The following KMT2D variants were observed in gnomAD, a reference collection of about 807,000 sequenced individuals.
KMT2D encodes the protein lysine methyltransferase 2D.
Under a neutral mutation model 512.7 loss-of-function variants are expected in KMT2D, and 55 were observed. That is an observed-to-expected ratio of 0.11 (90% CI 0.09 to 0.13). KMT2D has a LOEUF of 0.13. KMT2D is among the 10% of genes least tolerant of loss of function. KMT2D has a pLI of 1.00. For synonymous variants in KMT2D, 2,995 were observed against 2,904.0 expected (o/e 1.03, Z -1.01); for missense variants, 6,061 against 7,127.9 (o/e 0.85, Z 5.39).
At position 49,042,045 on chromosome 12, in the gene KMT2D, G is replaced by A. The variant is rs2120552443; in HGVS notation, c.6109+44C>T. On this transcript the variant is annotated intron_variant, in intron 29 of 54. Transcript: ENST00000301067. The surrounding 1 kb of genome is among the most constrained non-coding windows in gnomAD (Gnocchi z 4.4). ...GACTTGGCAGGCGACTCCTCCACCTGCCATGTTGCCAGGCTGTCTCCCTTG... is the reference window on the plus strand; with the variant it reads ...GACTTGGCAGGCGACTCCTCCACCTACCATGTTGCCAGGCTGTCTCCCTTG... The A allele has an allele frequency of 6.2e-7, 1 of 1,612,152 alleles. No homozygotes were observed. The highest frequency in any genetic ancestry group is 8.5e-7 in the Non-Finnish European group (1 of 1,178,488).
chr12:49,051,541 C>G lies in KMT2D; in HGVS notation c.2142G>C (p.Ser714=), dbSNP rs1260712816. The G allele has an allele frequency of 6.2e-7, 1 of 1,612,250 alleles. No individual in the cohort carries two copies. Among genetic ancestry groups the G allele is most frequent in the African/African-American group, 1.3e-5 (1 of 74,854 alleles). ...DSPASPPPED[S]LMSLPLEESP... ...ACTCCTCCAGCGGCAGGGACATGAGCGAGTCCTCCGGTGGTGGGGAAGCAG... is the reference window on the plus strand; with the variant it reads ...ACTCCTCCAGCGGCAGGGACATGAGGGAGTCCTCCGGTGGTGGGGAAGCAG... Residue 714 remains serine, a synonymous_variant, in exon 11 of 55, where the codon TCG becomes TCC. Coordinates refer to ENST00000301067, the MANE Select transcript of KMT2D (RefSeq NM_003482.4).
Position 49,060,059 on chromosome 12 carries a change from CG to C in KMT2D, c.-485del. Among the ~76,000 whole-genome samples the C allele has an allele frequency of 6.6e-6, 1 of 151,620 alleles. No homozygotes were observed. The highest frequency in any genetic ancestry group is 1.5e-5 in the Non-Finnish European group (1 of 67,802). ...CAGCAGCCCGGAAGGAATGCCGCGC[CG>C]CCCCGCGCCTGGCCCGGATGGAACG... On this transcript the variant is annotated 5_prime_UTR_variant, in exon 1 of 55. Transcript: ENST00000301067.
At position 49,033,565 on chromosome 12, in the gene KMT2D, T is replaced by C. The variant is rs770228268; in HGVS notation, c.11140A>G (p.Arg3714Gly). 1 of 1,613,478 alleles carries C rather than the reference T, an allele frequency of 6.2e-7. No individual in the cohort carries two copies. The change falls in exon 40 of 55, where the codon AGG (arginine) becomes GGG (glycine). Residue 3714 changes from arginine to glycine, a missense_variant. Arg to Gly is a moderately radical substitution (Grantham distance 125). Transcript: ENST00000301067. ...TGCAGCTGCCTTTCCTGTAAAAGCC[T>C]TGAATCAGGTCCGAGGCTTCGAAGA... ...LALRSLGPDS[R>G]LLQERQLQLQ...
chr12:49,043,050 C>A (rs2120562829), intron 26 of KMT2D, 26 bp downstream of exon 26: 1 of 1,596,796 alleles, frequency 6.3e-7, no homozygotes, highest in Non-Finnish European at 8.6e-7. Context: ...CCCTTATACA[C>A]AAAGAGGTAC....
rs1388854098 is a variant in KMT2D at position 49,060,724 on chromosome 12, C to G, written c.-1149G>C. Among the ~76,000 whole-genome samples, 1 of 152,208 alleles carries G rather than the reference C, an allele frequency of 6.6e-6. No individual in the cohort carries two copies. The highest frequency in any genetic ancestry group is 2.4e-5 in the African/African-American group (1 of 41,460). ...GCGCTAGATCCGGGGGGGCCTTTTG[C>G]CCGGGGCACCCCACTCGAGAGGGGG... On this transcript the variant is annotated 5_prime_UTR_variant, in exon 1 of 55. Transcript: ENST00000301067.
rs1389060383 is a variant in KMT2D at position 49,046,796 on chromosome 12, G to C, written c.4237-6C>G. 6.2e-7 allele frequency: 1 copy of C among 1,609,364 alleles called. No individual in the cohort carries two copies. Among genetic ancestry groups the C allele is most frequent in the Non-Finnish European group, 8.5e-7 (1 of 1,176,546 alleles). ...AGCAGCATCACCTTGGTGATCTGGG[G>C]CAGAAGATGGGAACTTCTCAGGGTG... On this transcript the variant is annotated splice_region_variant and splice_polypyrimidine_tract_variant and intron_variant, in intron 15 of 54. Transcript: ENST00000301067. The surrounding 1 kb of genome is among the most constrained non-coding windows in gnomAD (Gnocchi z 4.2).
rs778628310 is a variant in KMT2D, at chr12:49,031,264, C to T, written c.13441G>A (p.Glu4481Lys). The stretch of plus-strand genomic sequence containing the variant: ...CCGTTGATCTCAGCTCGCAGCCCCT[C>T]GGACCCCCGCCCAGTGCTGAGTTGC... ...NVQLSTGRGS[E>K]GLRAEINGHI... The change falls in exon 40 of 55, where the codon GAG becomes AAG. Residue 4481 changes from glutamate to lysine, a missense_variant. Around this residue, in one of 16 missense-constraint regions of KMT2D, gnomAD observed 1,600 missense variants for 1,754.9 expected, o/e 0.91. Transcript: ENST00000301067. 20 of 1,613,344 alleles carry T rather than the reference C, an allele frequency of 1.2e-5. No homozygotes were observed. Among genetic ancestry groups the T allele is most frequent in the Non-Finnish European group, 1.6e-5 (19 of 1,179,840 alleles).
rs746563322 is a variant in KMT2D, at chr12:49,027,861, G to A, written c.14585C>T (p.Ala4862Val). 1.2e-6 allele frequency: 2 copies of A among 1,609,424 alleles called. No individual in the cohort carries two copies. The highest frequency in any genetic ancestry group is 8.5e-7 in the Non-Finnish European group (1 of 1,177,840). ...CTTCAGGGTATAGCCAGGCAACACT[G>A]CATCAAACTGCTTCAGCCAATCAGG... The part of the protein sequence containing the change: ...TGPDWLKQFD[A>V]VLPGYTLKSQ... The change falls in exon 48 of 55, where the codon GCA becomes GTA. Residue 4862 changes from alanine (A) to valine (V), a missense_variant. Around this residue, in one of 16 missense-constraint regions of KMT2D, gnomAD observed 1,600 missense variants for 1,754.9 expected, o/e 0.91. Transcript: ENST00000301067.
Position 49,032,406 on chromosome 12 carries a change from T to C in KMT2D, c.12299A>G (p.Gln4100Arg). Reference protein sequence around the residue: ...QLQPPLRLPGQQQQQVSLLHT... With the variant: ...QLQPPLRLPGRQQQQVSLLHT... ...GAGCAGGCTAACTTGCTGCTGCTGTTGTCCTGGAAGCCTCAGAGGTGGCTG... is the reference window on the plus strand; with the variant it reads ...GAGCAGGCTAACTTGCTGCTGCTGTCGTCCTGGAAGCCTCAGAGGTGGCTG... The change falls in exon 40 of 55, where the codon CAA becomes CGA. Residue 4100 changes from glutamine (Q) to arginine (R), a missense_variant. Gln to Arg is a conservative substitution (Grantham distance 43, BLOSUM62 1). Around this residue, in one of 16 missense-constraint regions of KMT2D, gnomAD observed 1,600 missense variants for 1,754.9 expected, o/e 0.91. Coordinates refer to ENST00000301067, the MANE Select transcript of KMT2D (RefSeq NM_003482.4). The C allele has an allele frequency of 6.3e-7, 1 of 1,597,380 alleles. No homozygotes were observed. Among genetic ancestry groups the C allele is most frequent in the Non-Finnish European group, 8.5e-7 (1 of 1,172,040 alleles).
Position 49,054,449 on chromosome 12 carries a change from A to G in KMT2D, c.401-33T>C, listed in dbSNP as rs2120709582. The G allele has an allele frequency of 6.4e-7, 1 of 1,567,946 alleles. No homozygotes were observed. The highest frequency in any genetic ancestry group is 8.7e-7 in the Non-Finnish European group (1 of 1,155,676). ...GGTGGGAAGAGGTAAAGAGAAAGGAAAGAATTAACAAAAAGAGGATTGCTG... is the reference window on the plus strand; with the variant it reads ...GGTGGGAAGAGGTAAAGAGAAAGGAGAGAATTAACAAAAAGAGGATTGCTG... On this transcript the variant is annotated intron_variant, in intron 4 of 54. Coordinates refer to ENST00000301067, the MANE Select transcript of KMT2D (RefSeq NM_003482.4). The surrounding 1 kb of genome is among the most constrained non-coding windows in gnomAD (Gnocchi z 6.4).
At position 49,051,532 on chromosome 12, in the gene KMT2D, G is replaced by A. The variant is rs2120671475; in HGVS notation, c.2151C>T (p.Ser717=). The A allele has an allele frequency of 6.2e-7, 1 of 1,613,296 alleles. No individual in the cohort carries two copies. The highest frequency in any genetic ancestry group is 8.5e-7 in the Non-Finnish European group (1 of 1,179,490). ...ASPPPEDSLM[S]LPLEESPLLP... is the part of the protein sequence containing the mutation. ...ACAGGGGTGACTCCTCCAGCGGCAG[G>A]GACATGAGCGAGTCCTCCGGTGGTG... is the stretch of plus-strand genomic sequence containing the variant. The change falls in exon 11 of 55, where the codon TCC becomes TCT. Residue 717 remains serine (S), a synonymous_variant. Transcript: ENST00000301067.
chr12:49,055,250 GCAAA>G (rs768543392), intron 2 of KMT2D, 22 bp downstream of exon 2: 43 of 1,612,968 alleles, frequency 2.7e-5, no homozygotes, highest in African/African-American at 4.0e-5. Flanking sequence ...AAATCTAAAA[GCAAA>G]CAAACAATTT....
intron 35 of KMT2D, 51 bp downstream of exon 35, chr12:49,037,074 G>T (rs2120473309): frequency 6.6e-7 from 1 of 1,520,432 alleles, no homozygotes; most frequent in Non-Finnish European, 8.8e-7. Flanking sequence ...CCCATTTAGG[G>T]ATAACAATAA....
In KMT2D at chr12:49,038,071, G is replaced by A. The variant is rs781778611; in HGVS notation, c.9285C>T (p.Gly3095=). The part of the protein sequence containing the change: ...LLRGVEPGPL[G]PEERPPPAAD... ...CAGCAGGGGGAGGGCGCTCCTCAGG[G>A]CCCAAGGGTCCTGGCTCCACCCCCC... Residue 3095 remains glycine, a synonymous_variant, in exon 35 of 55, where the codon GGC becomes GGT. Transcript: ENST00000301067. The surrounding 1 kb of genome is among the most constrained non-coding windows in gnomAD (Gnocchi z 5.7). 1.2e-6 allele frequency: 2 copies of A among 1,613,348 alleles called. No individual in the cohort carries two copies. The highest frequency in any genetic ancestry group is 1.3e-5 in the African/African-American group (1 of 75,022).
chr12:49,057,312 AG>A (rs1187060326), intron 1 of KMT2D, among the ~76,000 whole-genome samples: 1 of 152,200 alleles, frequency 6.6e-6, no homozygotes, highest in Non-Finnish European at 1.5e-5. Context: ...CTCAAAGTTG[AG>A]GCCAAAAGAG....
chr12:49,041,416 G>C lies in KMT2D; in HGVS notation c.6354C>G (p.Pro2118=), dbSNP rs377392943. 1.2e-6 allele frequency: 2 copies of C among 1,605,238 alleles called. No homozygotes were observed. Among genetic ancestry groups the C allele is most frequent in the Non-Finnish European group, 1.7e-6 (2 of 1,173,206 alleles). The change falls in exon 32 of 55, where the codon CCC becomes CCG. Residue 2118 remains proline (P), a synonymous_variant. Transcript: ENST00000301067. The surrounding 1 kb of genome is among the most constrained non-coding windows in gnomAD (Gnocchi z 5.4). ...CAATGAAAATGGTGGGGGCAGCAGC[G>C]GGGGGCGGGCTGCCCAGTGCCCCTG... ...PQPGALGSPP[P]AAAPTIFIGS...
Position 49,041,544 on chromosome 12 carries a change from G to T in KMT2D, c.6235-9C>A. On this transcript the variant is annotated splice_polypyrimidine_tract_variant and intron_variant, in intron 31 of 54. Transcript: ENST00000301067. The surrounding 1 kb of genome is among the most constrained non-coding windows in gnomAD (Gnocchi z 5.4). ...ATCTGGCTCTCAGCCTGCTACAGGG[G>T]GAGACCAGGCATAGGGCAGTCAGGC... 1.2e-6 allele frequency: 2 copies of T among 1,613,296 alleles called. No individual in the cohort carries two copies. Among genetic ancestry groups the T allele is most frequent in the Non-Finnish European group, 1.7e-6 (2 of 1,179,552 alleles).
At position 49,046,632 on chromosome 12, in the gene KMT2D, G is replaced by A. The variant is rs574333340; in HGVS notation, c.4395C>T (p.Pro1465=). Residue 1465 remains proline, a synonymous_variant, in exon 16 of 55, where the codon CCC becomes CCT. Transcript: ENST00000301067. The surrounding 1 kb of genome is among the most constrained non-coding windows in gnomAD (Gnocchi z 4.2). The stretch of plus-strand genomic sequence containing the variant: ...ACCACTTGCACTTCCAGCCGCCCTT[G>A]GGGACGGTGAGCAGTGGGGGGTCCA... ...YCLDPPLLTV[P]KGGWKCKWCV... is the part of the protein sequence containing the mutation. 590 of 1,613,062 alleles carry A rather than the reference G, an allele frequency of 3.7e-4. 8 individuals carry two copies. In the South Asian group the frequency reaches 4.8e-3, roughly 13 times the overall value.
rs1461164047 is a variant in KMT2D, at chr12:49,050,219, G to A, written c.3369C>T (p.Ala1123=). Residue 1123 remains alanine, a synonymous_variant, in exon 12 of 55, where the codon GCC becomes GCT. Transcript: ENST00000301067. ...DDFSGLGEDT[A]PLDGIDAPGS... ...CCGGAGCATCAATCCCATCCAGAGG[G>A]GCTGTGTCTTCCCCTAGGCCAGAGA... 1.9e-6 allele frequency: 3 copies of A among 1,613,618 alleles called. No individual in the cohort carries two copies. Among genetic ancestry groups the A allele is most frequent in the African/African-American group, 2.7e-5 (2 of 74,920 alleles).
Sources: gnomAD v4.1 joint callset for allele counts (sites outside exome capture counted in the v4.1 genomes callset) on GRCh38, gnomAD v4.1.1 for gene constraint, gnomAD v4.1.1 regional missense constraint, Gnocchi (gnomAD v3.1) non-coding constraint, MANE v1.5 for transcripts, NCBI Gene and HGNC (gene_info 2026-07-23, HGNC 2026-07-21) for gene names.